UNC79: variants seen among roughly 807,000 people sequenced by gnomAD.
The protein encoded by UNC79 is protein unc-79 homolog.
Under a neutral mutation model 283.1 loss-of-function variants are expected in UNC79, and 37 were observed. That is an observed-to-expected ratio of 0.13 (90% CI 0.10 to 0.17). UNC79 has a LOEUF of 0.17. Among genes scored for constraint, UNC79 ranks in the 10% least tolerant of loss-of-function variants. UNC79 has a pLI of 1.00. For missense variants in UNC79, 2,272 were observed against 3,211.1 expected (o/e 0.71, Z 7.07); for synonymous variants, 1,107 against 1,200.2 (o/e 0.92, Z 1.61).
At chr14:93,419,467 C>T (rs1418693640) in intron 1 of UNC79, among the ~76,000 whole-genome samples, 8 of 151,468 alleles carry the variant, frequency 5.3e-5, no homozygotes, top group Non-Finnish European at 1.0e-4. Flanking sequence ...GTACCCAGCC[C>T]GTAAACCACT....
intron 8 of UNC79, among the ~76,000 whole-genome samples, chr14:93,525,147 T>C (rs1341716876): frequency 6.6e-6 from 1 of 152,152 alleles, no homozygotes; most frequent in Non-Finnish European, 1.5e-5. Flanking sequence ...TGGATTGATA[T>C]TAAGAGCAGG....
chr14:93,459,770 A>G (rs2140207967), intron 1 of UNC79, among the ~76,000 whole-genome samples: 1 of 108,150 alleles, frequency 9.2e-6, no homozygotes, highest in South Asian at 3.4e-4. Flanking sequence ...TCTTGGGTTC[A>G]TGCCATTCTC....
At chr14:93,689,273 G>A (rs1461899358) in intron 44 of UNC79, 1 of 161,414 alleles carries the variant, frequency 6.2e-6, no homozygotes, top group African/African-American at 2.4e-5. Flanking sequence ...GGCTAAAGAA[G>A]AGAGAGGCAT....
chr14:93,339,869 A>G (rs2053666619), intron 1 of UNC79, among the ~76,000 whole-genome samples: 1 of 152,218 alleles, frequency 6.6e-6, no homozygotes, highest in Non-Finnish European at 1.5e-5. Flanking sequence ...GCTAGTATGT[A>G]TGGTTGCAAT....
At chr14:93,432,543 G>A (rs2140097933) in intron 1 of UNC79, among the ~76,000 whole-genome samples, 1 of 152,292 alleles carries the variant, frequency 6.6e-6, no homozygotes, top group South Asian at 2.1e-4. Context: ...GACAAGCATT[G>A]CCCACTTTTA....
At chr14:93,350,106 G>T (rs1036886901) in intron 1 of UNC79, among the ~76,000 whole-genome samples, 1 of 152,010 alleles carries the variant, frequency 6.6e-6, no homozygotes, top group Non-Finnish European at 1.5e-5. Context: ...GAGTGGTTTC[G>T]TCTATAAAAT....
chr14:93,610,864 G>A (rs2066254907), intron 26 of UNC79, among the ~76,000 whole-genome samples: 1 of 152,002 alleles, frequency 6.6e-6, no homozygotes, highest in Non-Finnish European at 1.5e-5. Flanking sequence ...TCCCACCTCG[G>A]CCTCCCAAAG....
intron 1 of UNC79, among the ~76,000 whole-genome samples, chr14:93,396,474 C>G (rs1168121682): frequency 6.6e-6 from 1 of 151,874 alleles, no homozygotes; most frequent in African/African-American, 2.4e-5. Flanking sequence ...CCCATACTTT[C>G]TTATTTTTTT....
intron 1 of UNC79, among the ~76,000 whole-genome samples, chr14:93,358,361 G>A (rs972561337): frequency 5.9e-5 from 9 of 152,152 alleles, no homozygotes; most frequent in Admixed American, 2.0e-4. Flanking sequence ...AGAAAATGAT[G>A]AACTCAGGGA....
At position 93,424,137 on chromosome 14, in the gene UNC79, A is replaced by G. The variant is rs143696549; in HGVS notation, c.-350-43534A>G. ...GTTGCTCTACATCATTGATCATTAG[A>G]TAAATGCAAATCAAAACTACAATGA... On this transcript the variant is annotated intron_variant, in intron 1 of 49. Transcript: ENST00000256339. 3.2e-3 allele frequency among the ~76,000 whole-genome samples: 480 copies of G among 152,348 alleles called. 13 individuals are homozygous for G. In the East Asian group the frequency reaches 0.04, roughly 13 times the overall value.
intron 1 of UNC79, among the ~76,000 whole-genome samples, chr14:93,371,919 A>C (rs879371783): frequency 6.6e-6 from 1 of 152,226 alleles, no homozygotes; most frequent in South Asian, 2.1e-4. Context: ...TATTTAAAGT[A>C]TGGAGAGAAA....
chr14:93,694,743 T>C (rs1369335767), intron 47 of UNC79, among the ~76,000 whole-genome samples: 1 of 152,094 alleles, frequency 6.6e-6, no homozygotes, highest in African/African-American at 2.4e-5. Flanking sequence ...TAGTGAGACC[T>C]TGTGTCTACC....
chr14:93,339,205 A>G (rs540786853), intron 1 of UNC79, among the ~76,000 whole-genome samples: 1 of 152,314 alleles, frequency 6.6e-6, no homozygotes, highest in East Asian at 1.9e-4. Flanking sequence ...ACAACCCCCA[A>G]CCAGATTAGA....
At chr14:93,659,123 G>T in intron 38 of UNC79, 70 bp from the exon 42 acceptor site, 1 of 1,269,578 alleles carries the variant, frequency 7.9e-7, no homozygotes, top group Non-Finnish European at 1.1e-6. Flanking sequence ...AATGCTTTCA[G>T]AACATATTTG....
In UNC79 at chr14:93,513,189, CCCTTCCTTCCTTCTTTCCTT is replaced by C. The variant is rs567237155; in HGVS notation, c.899-10757_899-10738del. 7.9e-3 allele frequency among the ~76,000 whole-genome samples: 1,003 copies of C among 126,314 alleles called. 7 individuals are homozygous for C. The highest frequency in any genetic ancestry group is 0.046 in the Middle Eastern group (12 of 262). 82.9% of individuals were successfully genotyped at this position (126,314 alleles called of 152,430 possible). A position where few individuals can be genotyped will look rare whatever the true frequency, so the allele number is the denominator to read the frequency against. On this transcript the variant is annotated intron_variant, in intron 7 of 48. Coordinates refer to ENST00000555664, the Ensembl canonical transcript of UNC79. ...TTTGTTTTTCCCTCCCTCCCTCCCT[CCCTTCCTTCCTTCTTTCCTT>C]CCTTCCTTCCTTCTTTCCTTCCTTC... is the stretch of plus-strand genomic sequence containing the variant.
chr14:93,418,620 C>G (rs1026755927), intron 1 of UNC79, among the ~76,000 whole-genome samples: 3 of 151,854 alleles, frequency 2.0e-5, no homozygotes, highest in African/African-American at 7.2e-5. Context: ...GCCCTGCCCC[C>G]AGAGGTGGAG....
chr14:93,519,335 C>T (rs1483464576), intron 7 of UNC79, among the ~76,000 whole-genome samples: 1 of 151,748 alleles, frequency 6.6e-6, no homozygotes, highest in Non-Finnish European at 1.5e-5. Flanking sequence ...TATGGTATAA[C>T]AATTATGCCA....
chr14:93,476,038 G>A (rs1000677706), intron 3 of UNC79, among the ~76,000 whole-genome samples: 12 of 152,200 alleles, frequency 7.9e-5, no homozygotes, highest in Non-Finnish European at 1.3e-4. Context: ...GAAAAACATC[G>A]GAATCACTGA....
intron 17 of UNC79, among the ~76,000 whole-genome samples, chr14:93,577,291 C>T (rs1161164498): frequency 3.9e-5 from 6 of 152,286 alleles, no homozygotes; most frequent in Admixed American, 1.3e-4. Context: ...ACTCAGTCCA[C>T]GACTTCTTGG....
Sources: allele counts gnomAD v4.1 joint callset (sites outside exome capture counted in the v4.1 genomes callset), GRCh38; gene constraint gnomAD v4.1.1; transcripts MANE v1.5; gene names NCBI Gene and HGNC (gene_info 2026-07-23, HGNC 2026-07-21).